The following SLC1A1 variants were observed in gnomAD, a reference collection of about 807,000 sequenced individuals.
The protein encoded by SLC1A1 is excitatory amino acid transporter 3.
A neutral mutation model predicts 53.3 loss-of-function variants in SLC1A1; 43 were observed. The ratio of observed to expected loss-of-function variants is 0.81; its 90% CI spans 0.63 to 1.04. The LOEUF (loss-of-function observed/expected upper bound fraction) is 1.04. SLC1A1 is among the 50% of genes least tolerant of loss of function. The pLI, the probability that SLC1A1 is intolerant of heterozygous loss-of-function variation, is 0.00. For synonymous variants in SLC1A1, 307 were observed against 243.2 expected (o/e 1.26, Z -2.44); for missense variants, 748 against 664.9 (o/e 1.12, Z -1.37).
intron 2 of SLC1A1, among the ~76,000 whole-genome samples, chr9:4,548,343 G>A (rs759319527): frequency 3.9e-5 from 6 of 152,130 alleles, no homozygotes; most frequent in Non-Finnish European, 7.3e-5. Context: ...GTAGCTTAAC[G>A]TATACAGTTA....
chr9:4,546,091 C>T (rs899357122), intron 2 of SLC1A1, among the ~76,000 whole-genome samples: 1 of 152,184 alleles, frequency 6.6e-6, no homozygotes, highest in African/African-American at 2.4e-5. Flanking sequence ...GGATCTGCTG[C>T]ATTCAGGGAC....
intron 1 of SLC1A1, among the ~76,000 whole-genome samples, chr9:4,502,848 C>G (rs10739062): frequency 0.5 from 75,771 of 151,376 alleles, 20,072 homozygotes; most frequent in African/African-American, 0.65. Context: ...TTCATCCTTT[C>G]TCAGTCTTGT....
At chr9:4,567,520 G>A (rs554828847) in intron 5 of SLC1A1, 149 bp from the exon 6 acceptor site, 15 of 666,012 alleles carry the variant, frequency 2.3e-5, no homozygotes, top group African/African-American at 1.3e-4. Flanking sequence ...GGGAGGTACC[G>A]TTGACAACTG....
At position 4,525,646 on chromosome 9, in the gene SLC1A1, T is replaced by G. The variant is rs376744793; in HGVS notation, c.92-18921T>G. Among the ~76,000 whole-genome samples the G allele has an allele frequency of 2.0e-5, 3 of 152,000 alleles. No homozygotes were observed. The South Asian group carries it at 6.2e-4, about 32-fold the overall frequency. On this transcript the variant is annotated intron_variant, in intron 1 of 11. Coordinates refer to ENST00000262352, the MANE Select transcript of SLC1A1 (RefSeq NM_004170.6). Reference sequence around the variant, plus strand: ...AAACTAGATAATAGAAAAATGATAGTGTGAAAAGGATACTGTAAGTTCTAG... The same window carrying G: ...AAACTAGATAATAGAAAAATGATAGGGTGAAAAGGATACTGTAAGTTCTAG...
intron 5 of SLC1A1, 50 bp from the exon 6 acceptor site, chr9:4,567,619 A>G: frequency 7.9e-7 from 1 of 1,273,482 alleles, no homozygotes. Flanking sequence ...CAAAAGCTTA[A>G]AAAAAATTCT....
At chr9:4,531,574 G>A (rs1217389689) in intron 1 of SLC1A1, among the ~76,000 whole-genome samples, 1 of 152,186 alleles carries the variant, frequency 6.6e-6, no homozygotes, top group Admixed American at 6.5e-5. Flanking sequence ...CGAACTGGGT[G>A]GAGCCCACTG....
chr9:4,575,649 AGAG>A (rs1423517727), intron 8 of SLC1A1, among the ~76,000 whole-genome samples: 16 of 152,336 alleles, frequency 1.1e-4, no homozygotes, highest in African/African-American at 3.8e-4. Flanking sequence ...CTGAGTCTTA[AGAG>A]GAGAAGAACT....
intron 1 of SLC1A1, among the ~76,000 whole-genome samples, chr9:4,532,436 T>C (rs1415070777): frequency 6.6e-6 from 1 of 152,144 alleles, no homozygotes; most frequent in Non-Finnish European, 1.5e-5. Flanking sequence ...CAGTAGCCGA[T>C]TCAATCAACT....
intron 1 of SLC1A1, among the ~76,000 whole-genome samples, chr9:4,496,039 G>A (rs376136578): frequency 1.3e-5 from 2 of 152,158 alleles, no homozygotes; most frequent in African/African-American, 4.8e-5. Context: ...GTCGACTTAA[G>A]ACAGCATGTC....
chr9:4,533,421 C>T (rs200795931), intron 1 of SLC1A1, among the ~76,000 whole-genome samples: 8 of 152,074 alleles, frequency 5.3e-5, no homozygotes, highest in Middle Eastern at 3.4e-3. Flanking sequence ...ATCCTAGTCT[C>T]GGATAAAACA....
At chr9:4,558,136 G>A (rs1386778785) in intron 2 of SLC1A1, among the ~76,000 whole-genome samples, 1 of 152,102 alleles carries the variant, frequency 6.6e-6, no homozygotes, top group Non-Finnish European at 1.5e-5. Flanking sequence ...ATATTTTATG[G>A]TCATTAAGTT....
chr9:4,527,132 C>T (rs545094474), intron 1 of SLC1A1, among the ~76,000 whole-genome samples: 7 of 152,074 alleles, frequency 4.6e-5, no homozygotes, highest in South Asian at 2.1e-4. Context: ...TTGCAGGAGC[C>T]GAGAGGAGCC....
At chr9:4,504,019 G>A (rs1480562129) in intron 1 of SLC1A1, among the ~76,000 whole-genome samples, 1 of 152,208 alleles carries the variant, frequency 6.6e-6, no homozygotes, top group African/African-American at 2.4e-5. Context: ...GAGCAAGTCT[G>A]GTTGCTAACA....
intron 1 of SLC1A1, among the ~76,000 whole-genome samples, chr9:4,535,851 C>G (rs1816654566): frequency 1.3e-5 from 2 of 152,052 alleles, no homozygotes; most frequent in African/African-American, 4.8e-5. Flanking sequence ...GTACTGGTGC[C>G]AAAACAGAGA....
intron 1 of SLC1A1, among the ~76,000 whole-genome samples, chr9:4,517,893 C>A (rs569198038): frequency 6.6e-6 from 1 of 152,040 alleles, no homozygotes; most frequent in Non-Finnish European, 1.5e-5. Context: ...TCTTTGATGT[C>A]AACTGAAAAT....
At chr9:4,509,000 T>C (rs1229591569) in intron 1 of SLC1A1, among the ~76,000 whole-genome samples, 2 of 151,804 alleles carry the variant, frequency 1.3e-5, no homozygotes, top group African/African-American at 4.8e-5. Context: ...TAAAACTGAG[T>C]AGGGTCCAGA....
chr9:4,499,068 C>G (rs1307954342), intron 1 of SLC1A1, among the ~76,000 whole-genome samples: 1 of 126,472 alleles, frequency 7.9e-6, no homozygotes, highest in Non-Finnish European at 1.6e-5. Flanking sequence ...TTTTTGAGAA[C>G]AAGTCTCACT....
intron 2 of SLC1A1, among the ~76,000 whole-genome samples, chr9:4,551,956 T>C (rs997683827): frequency 6.6e-6 from 1 of 152,194 alleles, no homozygotes; most frequent in Non-Finnish European, 1.5e-5. Flanking sequence ...AACATGCCAT[T>C]TGCAAGTAAT....
chr9:4,552,682 G>T (rs964638613), intron 2 of SLC1A1, among the ~76,000 whole-genome samples: 1 of 152,010 alleles, frequency 6.6e-6, no homozygotes, highest in African/African-American at 2.4e-5. Context: ...AGTACAGACA[G>T]GAGCCACACT....
Sources: gnomAD v4.1 joint callset for allele counts (sites outside exome capture counted in the v4.1 genomes callset) on GRCh38, gnomAD v4.1.1 for gene constraint, MANE v1.5 for transcripts, NCBI Gene and HGNC (gene_info 2026-07-23, HGNC 2026-07-21) for gene names.